Variants in SLC25A21 observed in about 807,000 individuals in gnomAD.
SLC25A21 encodes mitochondrial 2-oxodicarboxylate carrier.
Under a neutral mutation model 43.8 loss-of-function variants are expected in SLC25A21, and 47 were observed. The ratio of observed to expected loss-of-function variants is 1.07; its 90% CI spans 0.85 to 1.37. SLC25A21 has a LOEUF of 1.37. Ranked by LOEUF, SLC25A21 falls within the 40% of genes most tolerant of loss-of-function variation. The pLI is 0.00. For synonymous variants in SLC25A21, 131 were observed against 121.3 expected (o/e 1.08, Z -0.52); for missense variants, 352 against 350.2 (o/e 1.00, Z -0.04).
At chr14:36,888,077 C>G (rs1486264684) in intron 1 of SLC25A21, among the ~76,000 whole-genome samples, 1 of 152,130 alleles carries the variant, frequency 6.6e-6, no homozygotes, top group Non-Finnish European at 1.5e-5. Context: ...TGCTATAAAT[C>G]ACAGTTTTTG....
Position 36,678,740 on chromosome 14 carries a change from T to A in SLC25A21, c.*1918A>T. 1 of 1,156,612 alleles carries A rather than the reference T, an allele frequency of 8.6e-7. No individual in the cohort carries two copies. The highest frequency in any genetic ancestry group is 4.3e-5 in the Admixed American group (1 of 23,424). 71.6% of individuals were successfully genotyped at this position (1,156,612 alleles called of 1,614,324 possible). Reference sequence around the variant, plus strand: ...AGAAATCTCTTGTTATTGTGCTATTTATAATTTTTTTCTGGTTCTTGTATT... The same window carrying A: ...AGAAATCTCTTGTTATTGTGCTATTAATAATTTTTTTCTGGTTCTTGTATT... On this transcript the variant is annotated 3_prime_UTR_variant, in exon 10 of 10. Coordinates refer to ENST00000331299, the MANE Select transcript of SLC25A21 (RefSeq NM_030631.4).
intron 3 of SLC25A21, among the ~76,000 whole-genome samples, chr14:36,786,703 AT>A (rs1887262522): frequency 6.6e-6 from 1 of 152,134 alleles, no homozygotes; most frequent in African/African-American, 2.4e-5. Flanking sequence ...CCTTTATTTG[AT>A]TAAATGTCCC....
At chr14:37,114,674 C>T (rs1305696917) in intron 1 of SLC25A21, among the ~76,000 whole-genome samples, 2 of 151,818 alleles carry the variant, frequency 1.3e-5, no homozygotes, top group African/African-American at 2.4e-5. Context: ...GTGAGACAAC[C>T]TTTTTTTTGC....
intron 2 of SLC25A21, among the ~76,000 whole-genome samples, chr14:36,837,803 G>A (rs1889260130): frequency 6.6e-6 from 1 of 152,188 alleles, no homozygotes; most frequent in Non-Finnish European, 1.5e-5. Context: ...CCACTCCCAT[G>A]ATCTCAGACT....
chr14:36,855,594 G>A (rs1380548496), intron 2 of SLC25A21, among the ~76,000 whole-genome samples: 1 of 152,070 alleles, frequency 6.6e-6, no homozygotes, highest in East Asian at 1.9e-4. Context: ...GCAAATCGTT[G>A]GTCTCCACCC....
chr14:37,119,344 T>C (rs895160520), intron 1 of SLC25A21, among the ~76,000 whole-genome samples: 2 of 152,094 alleles, frequency 1.3e-5, no homozygotes, highest in African/African-American at 4.8e-5. Context: ...AGGTCAGGCA[T>C]TCGAGACCAG....
chr14:37,046,591 C>A (rs1961591955), intron 1 of SLC25A21, among the ~76,000 whole-genome samples: 1 of 152,302 alleles, frequency 6.6e-6, no homozygotes, highest in East Asian at 1.9e-4. Context: ...GTTACTGATA[C>A]TTTGCAATTA....
chr14:37,071,911 G>A (rs948882897), intron 1 of SLC25A21, among the ~76,000 whole-genome samples: 1 of 152,166 alleles, frequency 6.6e-6, no homozygotes, highest in African/African-American at 2.4e-5. Flanking sequence ...GCTGGGCACA[G>A]TGGCTCACGT....
intron 1 of SLC25A21, among the ~76,000 whole-genome samples, chr14:37,134,210 A>T (rs1963439054): frequency 6.6e-6 from 1 of 152,208 alleles, no homozygotes; most frequent in Admixed American, 6.5e-5. Flanking sequence ...ATATTTTTGT[A>T]CTTGTGAGAC....
intron 7 of SLC25A21, among the ~76,000 whole-genome samples, chr14:36,705,348 T>A (rs1883487130): frequency 6.6e-6 from 1 of 152,102 alleles, no homozygotes; most frequent in African/African-American, 2.4e-5. Context: ...TCCGGCGGCT[T>A]ACTGTTTTAA....
At chr14:36,959,100 T>C (rs1285325962) in intron 1 of SLC25A21, among the ~76,000 whole-genome samples, 1 of 152,192 alleles carries the variant, frequency 6.6e-6, no homozygotes, top group Non-Finnish European at 1.5e-5. Context: ...GTACACAGTA[T>C]GTGGCATGAA....
At chr14:36,692,024 G>A (rs184150048) in intron 7 of SLC25A21, among the ~76,000 whole-genome samples, 1 of 152,320 alleles carries the variant, frequency 6.6e-6, no homozygotes, top group Non-Finnish European at 1.5e-5. Flanking sequence ...ATTCACAAAT[G>A]AGAAAACTGA....
At chr14:37,100,304 C>T (rs184988850) in intron 1 of SLC25A21, among the ~76,000 whole-genome samples, 132 of 152,090 alleles carry the variant, frequency 8.7e-4, no homozygotes, top group African/African-American at 2.5e-3. Flanking sequence ...GGTGTTTCCC[C>T]GCCTCGGCCT....
In SLC25A21 at chr14:36,915,112, T is replaced by C. The variant is rs924419881; in HGVS notation, c.71-40108A>G. Among the ~76,000 whole-genome samples, 6 of 152,250 alleles carry C rather than the reference T, an allele frequency of 3.9e-5. No individual in the cohort carries two copies. The East Asian group carries it at 7.7e-4, about 20-fold the overall frequency. On this transcript the variant is annotated intron_variant, in intron 1 of 9. Coordinates refer to ENST00000331299, the MANE Select transcript of SLC25A21 (RefSeq NM_030631.4). ...TATCAAATATGTAGGGGTCTTCTTA[T>C]TGCACATTTGGTAAGGTCTGTGTTG...
intron 3 of SLC25A21, among the ~76,000 whole-genome samples, chr14:36,806,166 T>C (rs1255957413): frequency 6.6e-6 from 1 of 151,670 alleles, no homozygotes; most frequent in African/African-American, 2.4e-5. Context: ...TGCAGTGAGC[T>C]GAGATTGTGC....
intron 1 of SLC25A21, among the ~76,000 whole-genome samples, chr14:36,908,033 T>C (rs1189450230): frequency 6.6e-6 from 1 of 152,174 alleles, no homozygotes; most frequent in African/African-American, 2.4e-5. Context: ...AAGATATGGT[T>C]GGGAGAACAG....
Position 36,960,606 on chromosome 14 carries a change from C to A in SLC25A21, c.71-85602G>T, listed in dbSNP as rs370170880. Among the ~76,000 whole-genome samples the A allele has an allele frequency of 3.3e-5, 5 of 152,204 alleles. No individual in the cohort carries two copies. The South Asian group carries it at 6.2e-4, about 19-fold the overall frequency. On this transcript the variant is annotated intron_variant, in intron 1 of 9. Transcript: ENST00000331299. ...TTCTTTTGTAATTTACCCTCCTTTC[C>A]CCAACCTGCCACCTCAGTCCTTCCC...
intron 3 of SLC25A21, among the ~76,000 whole-genome samples, chr14:36,782,619 G>A (rs74044986): frequency 0.044 from 6,646 of 152,172 alleles, 506 homozygotes; most frequent in African/African-American, 0.15. Flanking sequence ...GGCTTTCTCA[G>A]ACCTTCTCTA....
rs930013737 is a variant in SLC25A21, at chr14:36,678,928, A to G, written c.*1730T>C. ...TTTAAAATACGAGAAGGAAAATAGGATGGATTAAAGGGTTAACTTTTAAAG... is the reference window on the plus strand; with the variant it reads ...TTTAAAATACGAGAAGGAAAATAGGGTGGATTAAAGGGTTAACTTTTAAAG... On this transcript the variant is annotated 3_prime_UTR_variant, in exon 10 of 10. Coordinates refer to ENST00000331299, the MANE Select transcript of SLC25A21 (RefSeq NM_030631.4). The G allele has an allele frequency of 1.5e-5, 15 of 980,280 alleles. No homozygotes were observed. The African/African-American group carries it at 2.4e-4, about 16-fold the overall frequency. The allele number at this position is 980,280 out of a possible 1,614,324, so 60.7% of individuals were successfully genotyped here.
Sources: gnomAD v4.1 joint callset for allele counts (sites outside exome capture counted in the v4.1 genomes callset) on GRCh38, gnomAD v4.1.1 for gene constraint, MANE v1.5 for transcripts, NCBI Gene and HGNC (gene_info 2026-07-23, HGNC 2026-07-21) for gene names.